OTUD7A: variants seen among roughly 807,000 people sequenced by gnomAD.
The protein encoded by OTUD7A is OTU deubiquitinase 7A.
A neutral mutation model predicts 65.7 loss-of-function variants in OTUD7A; 12 were observed. That is an observed-to-expected ratio of 0.18 (90% CI 0.12 to 0.30). The LOEUF (loss-of-function observed/expected upper bound fraction) is 0.30. Ranked by LOEUF, OTUD7A falls within the 10% of genes least tolerant of loss-of-function variation. The probability of loss-of-function intolerance (pLI) is 1.00; values close to 1 mark genes in which losing one functional copy is unlikely to be tolerated. For synonymous variants in OTUD7A, 641 were observed against 586.3 expected, an observed-to-expected ratio of 1.09 and a Z score of -1.35; for missense variants, 1,148 against 1,304.8, an observed-to-expected ratio of 0.88 and a Z score of 1.85.
chr15:31,725,998 T>G (rs1893872069), intron 1 of OTUD7A, among the ~76,000 whole-genome samples: 1 of 152,134 alleles, frequency 6.6e-6, no homozygotes, highest in African/African-American at 2.4e-5. Flanking sequence ...TATCTCTATA[T>G]TGATGACTCT....
At chr15:31,710,441 C>T (rs1893413239) in intron 1 of OTUD7A, among the ~76,000 whole-genome samples, 2 of 151,250 alleles carry the variant, frequency 1.3e-5, no homozygotes, top group Admixed American at 1.3e-4. Flanking sequence ...ATGAATTTCA[C>T]CCAGCCGCAC....
intron 10 of OTUD7A, among the ~76,000 whole-genome samples, chr15:31,495,181 A>C (rs2141073828): frequency 6.6e-6 from 1 of 152,270 alleles, no homozygotes. Flanking sequence ...AAAAACCCTC[A>C]GCCAGTTCTT....
intron 5 of OTUD7A, among the ~76,000 whole-genome samples, chr15:31,538,811 C>T (rs894057740): frequency 3.9e-5 from 6 of 152,066 alleles, no homozygotes; most frequent in African/African-American, 1.2e-4. Flanking sequence ...AAAAGAAAAA[C>T]GAGTAAAGAT....
intron 8 of OTUD7A, among the ~76,000 whole-genome samples, chr15:31,509,632 C>A (rs1183216572): frequency 6.6e-6 from 1 of 151,946 alleles, no homozygotes; most frequent in Non-Finnish European, 1.5e-5. Context: ...GGTAAAAATT[C>A]ATATTTTTAT....
chr15:31,870,344 C>T (rs965584257), intron 1 of OTUD7A, among the ~76,000 whole-genome samples, 163 bp downstream of exon 1: 3 of 146,640 alleles, frequency 2.0e-5, no homozygotes, highest in Admixed American at 1.4e-4. Flanking sequence ...CCCCCGCGTC[C>T]CCGCGCCCCG....
intron 1 of OTUD7A, among the ~76,000 whole-genome samples, chr15:31,823,958 T>C (rs1357197648): frequency 6.6e-6 from 1 of 152,240 alleles, no homozygotes; most frequent in Non-Finnish European, 1.5e-5. Context: ...CATTCATTCA[T>C]GGGTTATTTC....
chr15:31,739,410 T>C (rs1595737898), intron 1 of OTUD7A, among the ~76,000 whole-genome samples: 1 of 152,176 alleles, frequency 6.6e-6, no homozygotes, highest in African/African-American at 2.4e-5. Context: ...AATAATATCT[T>C]AAAAGTAGTC....
At chr15:31,610,683 G>A (rs1445115255) in intron 3 of OTUD7A, among the ~76,000 whole-genome samples, 8 of 128,548 alleles carry the variant, frequency 6.2e-5, no homozygotes, top group African/African-American at 2.1e-4. Flanking sequence ...ATGCAATGGC[G>A]CAACCTTGGC....
chr15:31,826,162 C>T (rs544848082), intron 1 of OTUD7A, among the ~76,000 whole-genome samples: 49 of 152,340 alleles, frequency 3.2e-4, no homozygotes, highest in African/African-American at 1.1e-3. Flanking sequence ...TGTGGGGCTC[C>T]GACCCCACAT....
chr15:31,766,069 T>A, intron 1 of OTUD7A: 1 of 1,488,606 alleles, frequency 6.7e-7, no homozygotes, highest in Non-Finnish European at 9.4e-7. Flanking sequence ...GGACTTTCAA[T>A]ATGTCCCCTT....
intron 3 of OTUD7A, among the ~76,000 whole-genome samples, chr15:31,621,968 A>G (rs958540039): frequency 1.3e-5 from 2 of 152,204 alleles, no homozygotes; most frequent in Non-Finnish European, 2.9e-5. Context: ...TGGTGGTGGC[A>G]AAATCTCTCA....
At chr15:31,512,108 C>G (rs1323036640) in intron 8 of OTUD7A, among the ~76,000 whole-genome samples, 1 of 152,200 alleles carries the variant, frequency 6.6e-6, no homozygotes, top group South Asian at 2.1e-4. Context: ...TTTACTGCCC[C>G]GCAGCTTTTT....
chr15:31,551,871 G>A (rs965535994), intron 5 of OTUD7A, among the ~76,000 whole-genome samples: 1 of 152,160 alleles, frequency 6.6e-6, no homozygotes, highest in Non-Finnish European at 1.5e-5. Context: ...TGCTCCTCTG[G>A]GGCAGGGGCC....
intron 1 of OTUD7A, among the ~76,000 whole-genome samples, chr15:31,829,512 T>C (rs182385895): frequency 1.3e-5 from 2 of 152,312 alleles, no homozygotes; most frequent in African/African-American, 4.8e-5. Context: ...ATACTAGACA[T>C]TGGGTTGTTC....
At chr15:31,558,819 G>T in intron 5 of OTUD7A, 150 bp downstream of exon 5, 1 of 810,490 alleles carries the variant, frequency 1.2e-6, no homozygotes, top group Non-Finnish European at 2.0e-6. Flanking sequence ...GGCCCGTAGA[G>T]CAGGAGGTGC....
At chr15:31,792,873 G>A (rs1895855297) in intron 1 of OTUD7A, among the ~76,000 whole-genome samples, 1 of 152,156 alleles carries the variant, frequency 6.6e-6, no homozygotes, top group Non-Finnish European at 1.5e-5. Context: ...CCCAGGGTGG[G>A]AGGGATACAG....
chr15:31,597,395 G>T (rs1429026914), intron 3 of OTUD7A, among the ~76,000 whole-genome samples: 2 of 151,902 alleles, frequency 1.3e-5, no homozygotes, highest in African/African-American at 2.4e-5. Context: ...AAGCTTTTTA[G>T]GTTTTGTTTT....
chr15:31,673,252 C>T (rs983063500), intron 1 of OTUD7A, among the ~76,000 whole-genome samples: 1 of 152,178 alleles, frequency 6.6e-6, no homozygotes, highest in African/African-American at 2.4e-5. Flanking sequence ...TCCAACCATT[C>T]TAAATTTGGA....
chr15:31,526,277 C>T (rs551228132), intron 8 of OTUD7A, 72 bp downstream of exon 8: 2 of 1,390,900 alleles, frequency 1.4e-6, no homozygotes, highest in South Asian at 1.4e-5. Flanking sequence ...GTGCCATCCC[C>T]CCATGCTGTG....
Sources: gnomAD v4.1 joint callset for allele counts (sites outside exome capture counted in the v4.1 genomes callset) on GRCh38, gnomAD v4.1.1 for gene constraint, MANE v1.5 for transcripts, NCBI Gene and HGNC (gene_info 2026-07-23, HGNC 2026-07-21) for gene names.